PEDS1: variants seen among roughly 807,000 people sequenced by gnomAD.
The protein encoded by PEDS1 is CarF homolog.
A neutral mutation model predicts 35.2 loss-of-function variants in PEDS1; 14 were observed. The ratio of observed to expected loss-of-function variants is 0.40; its 90% CI spans 0.26 to 0.62. The LOEUF is 0.62. PEDS1 is among the 20% of genes least tolerant of loss of function. The probability of loss-of-function intolerance (pLI) is 0.44; values close to 1 mark genes in which losing one functional copy is unlikely to be tolerated. For missense variants in PEDS1, 260 were observed against 367.8 expected, an observed-to-expected ratio of 0.71 and a Z score of 2.40; for synonymous variants, 152 against 152.0, an observed-to-expected ratio of 1.00 and a Z score of 0.00.
chr20:50,131,966 G>A (rs2081184948), intron 2 of PEDS1, among the ~76,000 whole-genome samples: 1 of 152,150 alleles, frequency 6.6e-6, no homozygotes, highest in Non-Finnish European at 1.5e-5. Flanking sequence ...CACTTTGGGA[G>A]GCCGAGGTGG....
rs565276099 is a variant in PEDS1, at chr20:50,118,418, T to G, written c.*6640A>C. On this transcript the variant is annotated 3_prime_UTR_variant, in exon 6 of 6. Coordinates refer to ENST00000371652, the MANE Select transcript of PEDS1 (RefSeq NM_199129.4). ...TGAGACACAGAACGGTTAAGTAACT[T>G]GCCCAAAGTCACAAGCTTGTAAGTG... 2.0e-5 allele frequency: 3 copies of G among 152,358 alleles called. No individual in the cohort carries two copies. Among genetic ancestry groups the G allele is most frequent in the Admixed American group, 1.3e-4 (2 of 15,280 alleles). The allele number at this position is 152,358 out of a possible 1,614,324, so 9.4% of individuals were successfully genotyped here. A position where few individuals can be genotyped will look rare whatever the true frequency, so the allele number is the denominator to read the frequency against.
At chr20:50,131,188 C>T in intron 2 of PEDS1, 1 of 917,938 alleles carries the variant, frequency 1.1e-6, no homozygotes, top group Non-Finnish European at 1.7e-6. Flanking sequence ...AGAGCATAAA[C>T]TGGGCATGCT....
chr20:50,127,397 A>C (rs1459452827), intron 5 of PEDS1, among the ~76,000 whole-genome samples: 4 of 129,770 alleles, frequency 3.1e-5, no homozygotes, highest in Admixed American at 3.0e-4. Context: ...GCTGGAGTGC[A>C]GTGGTGCGAT....
Position 50,129,560 on chromosome 20 carries a change from C to T in PEDS1, c.464G>A (p.Arg155His), listed in dbSNP as rs768840504. Residue 155 changes from arginine to histidine, a missense_variant, in exon 4 of 6, where the codon CGC becomes CAC. Transcript: ENST00000371652. This position sits in a 1 kb window ranked among gnomAD's most constrained non-coding sequence, Gnocchi z 4.2. Reference protein sequence around the residue: ...LPLLNMAYKFRTHSPEALEQL... With the variant: ...LPLLNMAYKFHTHSPEALEQL... ...GGGTGTCTCACCAGGGCTGTGGGTG[C>T]GGAACTTGTAGGCCATGTTTAGCAG... The T allele has an allele frequency of 1.5e-5, 25 of 1,613,980 alleles. No individual in the cohort carries two copies. Among genetic ancestry groups the T allele is most frequent in the East Asian group, 4.5e-5 (2 of 44,896 alleles).
intron 3 of PEDS1, among the ~76,000 whole-genome samples, chr20:50,130,243 G>T (rs1035550459): frequency 6.6e-6 from 1 of 152,210 alleles, no homozygotes; most frequent in Non-Finnish European, 1.5e-5. Context: ...ACTTCAGTTG[G>T]CGGAAACTAC....
intron 2 of PEDS1, 28 bp from the exon 3 acceptor site, chr20:50,130,975 C>T: frequency 6.2e-7 from 1 of 1,614,192 alleles, no homozygotes; most frequent in South Asian, 1.1e-5. Context: ...AGTGAAGGGA[C>T]ATCCCTGCAC....
intron 1 of PEDS1, among the ~76,000 whole-genome samples, chr20:50,146,702 C>A (rs951098755): frequency 1.3e-5 from 2 of 152,164 alleles, no homozygotes; most frequent in African/African-American, 4.8e-5. Flanking sequence ...ACGGAACACA[C>A]CAGGGTTACA....
intron 1 of PEDS1, among the ~76,000 whole-genome samples, chr20:50,146,833 C>T (rs559176124): frequency 4.6e-5 from 7 of 152,302 alleles, no homozygotes; most frequent in Non-Finnish European, 7.4e-5. Flanking sequence ...AATTCTCAGG[C>T]GAGGGCTGTT....
At chr20:50,125,958 C>T (rs1490020994) in intron 5 of PEDS1, among the ~76,000 whole-genome samples, 1 of 152,130 alleles carries the variant, frequency 6.6e-6, no homozygotes, top group African/African-American at 2.4e-5. Flanking sequence ...CTCCTGGGCT[C>T]AAGCAATCCT....
intron 2 of PEDS1, 83 bp downstream of exon 2, chr20:50,143,419 T>C (rs1010300584): frequency 1.2e-5 from 19 of 1,540,660 alleles, no homozygotes; most frequent in Non-Finnish European, 1.6e-5. Flanking sequence ...TCCATGCATG[T>C]GGACACACAC....
At chr20:50,146,656 C>T (rs2081348182) in intron 1 of PEDS1, among the ~76,000 whole-genome samples, 1 of 152,184 alleles carries the variant, frequency 6.6e-6, no homozygotes, top group Non-Finnish European at 1.5e-5. Flanking sequence ...AGCTGCCCTC[C>T]CCTGCCCCTT....
intron 2 of PEDS1, among the ~76,000 whole-genome samples, chr20:50,138,862 C>T (rs533800974): frequency 7.9e-5 from 12 of 152,334 alleles, no homozygotes; most frequent in African/African-American, 2.6e-4. Context: ...GGATGGGAGA[C>T]GGCTCACCCC....
chr20:50,132,728 T>G (rs1266662479), intron 2 of PEDS1, among the ~76,000 whole-genome samples: 1 of 152,204 alleles, frequency 6.6e-6, no homozygotes, highest in Non-Finnish European at 1.5e-5. Context: ...ATCCCAGCTC[T>G]TGGCACCTAT....
rs753332775 is a variant in PEDS1, at chr20:50,128,503, G to A, written c.479-316C>T. Among the ~76,000 whole-genome samples, 4 of 152,176 alleles carry A rather than the reference G, an allele frequency of 2.6e-5. No homozygotes were observed. Among genetic ancestry groups the A allele is most frequent in the South Asian group, 2.1e-4 (1 of 4,834 alleles). On this transcript the variant is annotated intron_variant, in intron 4 of 5. Coordinates refer to ENST00000371652, the MANE Select transcript of PEDS1 (RefSeq NM_199129.4). The surrounding 1 kb of genome is among the most constrained non-coding windows in gnomAD (Gnocchi z 5.2). ...ATTTCTTGGCAGTATGGGCTGGATC[G>A]GTGACTCTGCCTCTAAGAAGCTTAA... is the stretch of plus-strand genomic sequence containing the variant.
At chr20:50,145,725 C>A (rs959559264) in intron 1 of PEDS1, among the ~76,000 whole-genome samples, 1 of 152,026 alleles carries the variant, frequency 6.6e-6, no homozygotes, top group East Asian at 1.9e-4. Context: ...ATAAAAACAC[C>A]ATGTGGGTGA....
At chr20:50,153,031 C>A (rs1202859811) in intron 1 of PEDS1, among the ~76,000 whole-genome samples, 1 of 151,964 alleles carries the variant, frequency 6.6e-6, no homozygotes, top group African/African-American at 2.4e-5. Context: ...CAGCCCAGGG[C>A]CTGGGCTAGG....
intron 5 of PEDS1, 152 bp downstream of exon 5, chr20:50,127,823 C>G (rs1041902006): frequency 1.8e-6 from 2 of 1,101,572 alleles, no homozygotes; most frequent in Non-Finnish European, 2.6e-6. Context: ...GCCTGGCACA[C>G]AGTAGGTGCT....
rs1238268460 is a variant in PEDS1 at position 50,120,493 on chromosome 20, T to C, written c.*4565A>G. ...ATATATATATTGCTATATATATATA[T>C]ATACCCATATATATATGTGGGTAGC... On this transcript the variant is annotated 3_prime_UTR_variant, in exon 6 of 6. Coordinates refer to ENST00000371652, the MANE Select transcript of PEDS1 (RefSeq NM_199129.4). The C allele has an allele frequency of 6.6e-6, 1 of 151,358 alleles. No individual in the cohort carries two copies. The highest frequency in any genetic ancestry group is 1.5e-5 in the Non-Finnish European group (1 of 67,960). 9.4% of individuals were successfully genotyped at this position (151,358 alleles called of 1,614,324 possible).
At position 50,124,714 on chromosome 20, in the gene PEDS1, G is replaced by C. The variant is rs2081080724; in HGVS notation, c.*344C>G. On this transcript the variant is annotated 3_prime_UTR_variant, in exon 6 of 6. Transcript: ENST00000371652. ...CAAGGAGGGAAAGAGGCAACTCACTGGCCCCAACGCCAGCCACACTGAAGG... is the reference window on the plus strand; with the variant it reads ...CAAGGAGGGAAAGAGGCAACTCACTCGCCCCAACGCCAGCCACACTGAAGG... The C allele has an allele frequency of 4.3e-6, 1 of 232,862 alleles. No individual in the cohort carries two copies. The highest frequency in any genetic ancestry group is 6.0e-5 in the South Asian group (1 of 16,622). 14.4% of individuals were successfully genotyped at this position (232,862 alleles called of 1,614,324 possible).
Sources: allele counts gnomAD v4.1 joint callset (sites outside exome capture counted in the v4.1 genomes callset), GRCh38; gene constraint gnomAD v4.1.1; non-coding constraint Gnocchi (gnomAD v3.1); transcripts MANE v1.5; gene names NCBI Gene and HGNC (gene_info 2026-07-23, HGNC 2026-07-21).